The following MINDY3 variants were observed in gnomAD, a reference collection of about 807,000 sequenced individuals.
MINDY3 encodes the protein ubiquitin carboxyl-terminal hydrolase MINDY-3.
In MINDY3, 38 loss-of-function variants were observed where a neutral mutation model predicts 69.2. The observed-to-expected ratio is 0.55, with a 90% confidence interval of 0.42 to 0.72. MINDY3 has a LOEUF of 0.72. Among genes scored for constraint, MINDY3 ranks in the 30% least tolerant of loss-of-function variants. The probability of loss-of-function intolerance (pLI) is 0.00; values close to 1 mark genes in which losing one functional copy is unlikely to be tolerated. For missense variants in MINDY3, 522 were observed against 519.0 expected, an observed-to-expected ratio of 1.01 and a Z score of -0.06; for synonymous variants, 192 against 180.1, an observed-to-expected ratio of 1.07 and a Z score of -0.53.
intron 1 of MINDY3, among the ~76,000 whole-genome samples, chr10:15,852,061 T>C (rs1834338505): frequency 6.6e-6 from 1 of 152,176 alleles, no homozygotes; most frequent in African/African-American, 2.4e-5. Context: ...AGGTGTTAAT[T>C]CCTCATAGGG....
At chr10:15,850,254 T>G (rs1834184926) in intron 1 of MINDY3, among the ~76,000 whole-genome samples, 1 of 152,202 alleles carries the variant, frequency 6.6e-6, no homozygotes, top group Non-Finnish European at 1.5e-5. Context: ...GATTGTGTTA[T>G]CTGCATAAAT....
intron 6 of MINDY3, among the ~76,000 whole-genome samples, chr10:15,836,351 G>C (rs765662765): frequency 2.0e-5 from 3 of 151,950 alleles, no homozygotes; most frequent in Non-Finnish European, 2.9e-5. Flanking sequence ...CATCTAATAG[G>C]TTCAGACAGA....
chr10:15,810,461 G>A (rs1014489389), intron 10 of MINDY3, among the ~76,000 whole-genome samples: 6 of 152,054 alleles, frequency 3.9e-5, no homozygotes, highest in Non-Finnish European at 1.5e-5. Context: ...GGTTTGAATT[G>A]GTCAGGTAGG....
Position 15,833,650 on chromosome 10 carries a change from T to C in MINDY3, c.710A>G (p.Asp237Gly). 1 of 1,608,580 alleles carries C rather than the reference T, an allele frequency of 6.2e-7. No individual in the cohort carries two copies. The highest frequency in any genetic ancestry group is 8.5e-7 in the Non-Finnish European group (1 of 1,175,236). ...CTTACTCATTCCTGAGCACTCTCTA[T>C]CACCATCCCATACATTAGAAACAGC... The part of the protein sequence containing the change: ...GHAVSNVWDG[D>G]RECSGMKLLG... The change falls in exon 8 of 15, where the codon GAT (aspartate) becomes GGT (glycine). Residue 237 changes from aspartate to glycine, a missense_variant. Coordinates refer to ENST00000277632, the MANE Select transcript of MINDY3 (RefSeq NM_024948.4).
At chr10:15,796,027 A>G in intron 11 of MINDY3, 73 bp downstream of exon 11, 1 of 1,093,386 alleles carries the variant, frequency 9.1e-7, no homozygotes, top group Non-Finnish European at 1.4e-6. Context: ...CTTTTGAATA[A>G]AATCAGGTCG....
chr10:15,813,971 C>A (rs1588569461), intron 10 of MINDY3, among the ~76,000 whole-genome samples: 2 of 118,712 alleles, frequency 1.7e-5, no homozygotes, highest in Non-Finnish European at 1.8e-5. Context: ...GCAAACTCAC[C>A]AAAACTCAAA....
intron 2 of MINDY3, among the ~76,000 whole-genome samples, 171 bp from the exon 3 acceptor site, chr10:15,843,443 T>C (rs1391944931): frequency 6.6e-6 from 1 of 152,070 alleles, no homozygotes. Context: ...TGTGCAGTTA[T>C]TTATTCAGAG....
intron 10 of MINDY3, among the ~76,000 whole-genome samples, chr10:15,802,044 C>T (rs116976424): frequency 4.6e-5 from 7 of 151,106 alleles, no homozygotes; most frequent in East Asian, 3.9e-4. Context: ...CTCCGGCTTA[C>T]GAGATTACAG....
chr10:15,805,817 TTAAAA>T (rs1347204776), intron 10 of MINDY3, among the ~76,000 whole-genome samples: 1 of 152,096 alleles, frequency 6.6e-6, no homozygotes, highest in Non-Finnish European at 1.5e-5. Flanking sequence ...AGCCCAGATC[TTAAAA>T]TAAAAGAGAC....
intron 2 of MINDY3, among the ~76,000 whole-genome samples, chr10:15,845,665 A>AT (rs964729583): frequency 3.4e-5 from 5 of 149,138 alleles, no homozygotes; most frequent in African/African-American, 9.9e-5. Context: ...TGTCCAGCTA[A>AT]TTTTTTCAAT....
At chr10:15,803,463 G>A (rs1838408035) in intron 10 of MINDY3, among the ~76,000 whole-genome samples, 2 of 152,012 alleles carry the variant, frequency 1.3e-5, no homozygotes, top group Non-Finnish European at 2.9e-5. Context: ...TATAACTGCC[G>A]TATTTTTCTT....
At chr10:15,807,548 T>A (rs1356477656) in intron 10 of MINDY3, among the ~76,000 whole-genome samples, 1 of 152,134 alleles carries the variant, frequency 6.6e-6, no homozygotes, top group East Asian at 1.9e-4. Flanking sequence ...TGCTATCAAC[T>A]CTACTGGCTA....
intron 6 of MINDY3, 37 bp downstream of exon 6, chr10:15,837,167 T>C: frequency 8.1e-7 from 1 of 1,233,610 alleles, no homozygotes; most frequent in Non-Finnish European, 1.2e-6. Context: ...CTGAACAACA[T>C]TAATCAAAGG....
chr10:15,815,550 T>A (rs191107720), intron 10 of MINDY3, among the ~76,000 whole-genome samples: 73 of 152,244 alleles, frequency 4.8e-4, no homozygotes, highest in African/African-American at 1.6e-3. Context: ...GGAAAGCACA[T>A]CACAATGAAG....
At chr10:15,838,345 G>T in intron 4 of MINDY3, 66 bp from the exon 5 acceptor site, 1 of 1,382,538 alleles carries the variant, frequency 7.2e-7, no homozygotes, top group Non-Finnish European at 9.7e-7. Context: ...ACACACAGCA[G>T]GCTGTAAATA....
Position 15,860,202 on chromosome 10 carries a change from G to A in MINDY3, c.94+4C>T. On this transcript the variant is annotated splice_donor_region_variant and intron_variant, in intron 1 of 14. Transcript: ENST00000277632. ...CTGCAAGTGTGAGAGCCCCGCCAGG[G>A]TACCTTGCGTCCAGCGGCAGAAAAT... 1 of 1,602,136 alleles carries A rather than the reference G, an allele frequency of 6.2e-7. No homozygotes were observed. Among genetic ancestry groups the A allele is most frequent in the Middle Eastern group, 1.7e-4 (1 of 5,936 alleles).
chr10:15,860,097 T>TGGG (rs1294684847), intron 1 of MINDY3, 109 bp downstream of exon 1: 6 of 795,898 alleles, frequency 7.5e-6, no homozygotes, highest in Non-Finnish European at 1.3e-5. Flanking sequence ...GCACGGCGAC[T>TGGG]GGGGCAGAGA....
intron 10 of MINDY3, among the ~76,000 whole-genome samples, chr10:15,796,429 C>T (rs1234494450): frequency 1.3e-5 from 2 of 150,180 alleles, no homozygotes; most frequent in Non-Finnish European, 3.0e-5. Flanking sequence ...ACTTAAAACA[C>T]TGGGGAAAAA....
chr10:15,838,788 T>A (rs1386134341), intron 4 of MINDY3, among the ~76,000 whole-genome samples: 1 of 151,816 alleles, frequency 6.6e-6, no homozygotes, highest in African/African-American at 2.4e-5. Flanking sequence ...TTTGTATAAC[T>A]GTTAAAAAGT....
Sources: allele counts gnomAD v4.1 joint callset (sites outside exome capture counted in the v4.1 genomes callset), GRCh38; gene constraint gnomAD v4.1.1; transcripts MANE v1.5; gene names NCBI Gene and HGNC (gene_info 2026-07-23, HGNC 2026-07-21).